The following NRXN3 variants were observed in gnomAD, a reference collection of about 807,000 sequenced individuals.
NRXN3 encodes the protein neurexin III.
In NRXN3, 32 loss-of-function variants were observed where a neutral mutation model predicts 137.6. That is an observed-to-expected ratio of 0.23 (90% CI 0.18 to 0.31). NRXN3 has a LOEUF of 0.31. Ranked by LOEUF, NRXN3 falls within the 10% of genes least tolerant of loss-of-function variation. The pLI, the probability that NRXN3 is intolerant of heterozygous loss-of-function variation, is 1.00. For synonymous variants in NRXN3, 798 were observed against 784.5 expected (o/e 1.02, Z -0.29); for missense variants, 1,574 against 2,062.5 (o/e 0.76, Z 4.59).
At chr14:78,782,741 G>T (rs1020989790) in intron 8 of NRXN3, among the ~76,000 whole-genome samples, 16 of 152,182 alleles carry the variant, frequency 1.1e-4, no homozygotes, top group African/African-American at 3.9e-4. Flanking sequence ...TCACCAATGA[G>T]AAACCTGAGA....
intron 16 of NRXN3, among the ~76,000 whole-genome samples, chr14:79,496,436 A>G (rs1027966678): frequency 3.9e-5 from 6 of 152,156 alleles, no homozygotes; most frequent in Non-Finnish European, 5.9e-5. Flanking sequence ...TCAGAGACCA[A>G]AAATACAGTG....
chr14:79,236,807 A>G (rs2073442360), intron 15 of NRXN3, among the ~76,000 whole-genome samples: 1 of 151,894 alleles, frequency 6.6e-6, no homozygotes, highest in Non-Finnish European at 1.5e-5. Context: ...TCCAGCAGCT[A>G]GGGAGGCTGA....
At chr14:78,893,587 C>T (rs1017110371) in intron 10 of NRXN3, among the ~76,000 whole-genome samples, 7 of 151,956 alleles carry the variant, frequency 4.6e-5, no homozygotes, top group African/African-American at 1.7e-4. Context: ...GAAACAATCT[C>T]ATTTATCTTC....
intron 6 of NRXN3, among the ~76,000 whole-genome samples, chr14:78,684,934 T>C (rs2098112772): frequency 6.6e-6 from 1 of 152,262 alleles, no homozygotes. Context: ...ACTTGTATTA[T>C]GCTTTACATA....
chr14:78,321,228 T>A (rs548637975), intron 4 of NRXN3, among the ~76,000 whole-genome samples: 1 of 152,050 alleles, frequency 6.6e-6, no homozygotes, highest in Non-Finnish European at 1.5e-5. Context: ...TTGAGCTCTT[T>A]CCAGTGTCTC....
At chr14:79,162,619 C>A (rs2060899858) in intron 15 of NRXN3, among the ~76,000 whole-genome samples, 1 of 151,842 alleles carries the variant, frequency 6.6e-6, no homozygotes. Flanking sequence ...CACTGGCCAT[C>A]AGAGAAATGC....
intron 15 of NRXN3, among the ~76,000 whole-genome samples, chr14:79,002,679 A>G (rs1437039007): frequency 6.6e-6 from 1 of 152,156 alleles, no homozygotes; most frequent in East Asian, 1.9e-4. Flanking sequence ...CAATGAACAT[A>G]CGCATGCATG....
intron 11 of NRXN3, among the ~76,000 whole-genome samples, chr14:78,961,204 C>T (rs1597929198): frequency 6.6e-6 from 1 of 152,056 alleles, no homozygotes; most frequent in East Asian, 1.9e-4. Context: ...AACTTCTCTC[C>T]CCACGTCTAA....
At chr14:78,222,317 GGCAC>G (rs766919141) in intron 1 of NRXN3, among the ~76,000 whole-genome samples, 1 of 145,948 alleles carries the variant, frequency 6.9e-6, no homozygotes, top group Non-Finnish European at 1.5e-5. Flanking sequence ...AGGAATAAAG[GGCAC>G]ACACACACAC....
At chr14:79,844,266 T>G (rs1330733097) in intron 20 of NRXN3, among the ~76,000 whole-genome samples, 13 of 151,508 alleles carry the variant, frequency 8.6e-5, no homozygotes. Context: ...CATGAGGTTT[T>G]GCATTAAACT....
intron 19 of NRXN3, among the ~76,000 whole-genome samples, chr14:79,738,771 C>A (rs937156115): frequency 6.6e-6 from 1 of 152,240 alleles, no homozygotes; most frequent in South Asian, 2.1e-4. Flanking sequence ...GTTGGTCAGG[C>A]TGATCTAGAA....
At chr14:79,781,543 A>G (rs2099113915) in intron 19 of NRXN3, among the ~76,000 whole-genome samples, 1 of 152,244 alleles carries the variant, frequency 6.6e-6, no homozygotes, top group Non-Finnish European at 1.5e-5. Context: ...TCTGGGCCTC[A>G]GGCTTCCAGC....
intron 15 of NRXN3, chr14:79,279,462 C>T (rs772575985): frequency 2.3e-5 from 23 of 986,068 alleles, no homozygotes; most frequent in Non-Finnish European, 2.8e-5. Context: ...GCCTGCCAGG[C>T]ACCTCCTCTT....
intron 4 of NRXN3, among the ~76,000 whole-genome samples, chr14:78,388,294 G>A (rs1337901808): frequency 6.6e-6 from 1 of 152,188 alleles, no homozygotes; most frequent in Non-Finnish European, 1.5e-5. Context: ...TTGAGTGTAT[G>A]CGCAGCTGCA....
intron 8 of NRXN3, among the ~76,000 whole-genome samples, chr14:78,757,810 G>A (rs1477174320): frequency 6.6e-6 from 1 of 152,212 alleles, no homozygotes; most frequent in African/African-American, 2.4e-5. Context: ...TGTTGTGTAA[G>A]AGGTTAATAT....
At chr14:79,227,770 C>CTTCCTTCT in intron 15 of NRXN3, among the ~76,000 whole-genome samples, 1 of 120,072 alleles carries the variant, frequency 8.3e-6, no homozygotes, top group African/African-American at 2.9e-5. Flanking sequence ...TCCTTCCTTC[C>CTTCCTTCT]TTCCTTCCTT....
intron 8 of NRXN3, among the ~76,000 whole-genome samples, chr14:78,742,926 TAAACA>T (rs2098586672): frequency 6.6e-6 from 1 of 152,214 alleles, no homozygotes; most frequent in Admixed American, 6.5e-5. Context: ...ACACCATCAT[TAAACA>T]ATTCAATAAT....
At chr14:78,441,769 C>T (rs2094257750) in intron 4 of NRXN3, among the ~76,000 whole-genome samples, 1 of 152,082 alleles carries the variant, frequency 6.6e-6, no homozygotes, top group African/African-American at 2.4e-5. Flanking sequence ...CTGGATTAGC[C>T]AGACGGCCCT....
intron 4 of NRXN3, among the ~76,000 whole-genome samples, chr14:78,415,601 TGACTA>T (rs2093090622): frequency 6.6e-6 from 1 of 152,150 alleles, no homozygotes; most frequent in African/African-American, 2.4e-5. Context: ...TCTTACATGG[TGACTA>T]GATTTCAAGT....
Sources: allele counts gnomAD v4.1 joint callset (sites outside exome capture counted in the v4.1 genomes callset), GRCh38; gene constraint gnomAD v4.1.1; transcripts MANE v1.5; gene names NCBI Gene and HGNC (gene_info 2026-07-23, HGNC 2026-07-21).